RAB31: variants seen among roughly 807,000 people sequenced by gnomAD.
RAB31 encodes RAB31, member RAS oncogene family.
Under a neutral mutation model 25.6 loss-of-function variants are expected in RAB31, and 21 were observed. The observed-to-expected ratio is 0.82, with a 90% CI of 0.58 to 1.18. The LOEUF (loss-of-function observed/expected upper bound fraction) is 1.18, where lower values mean the gene tolerates loss of function less well. Among genes scored for constraint, RAB31 ranks in the 50% most tolerant of loss-of-function variants. The pLI is 0.00. For synonymous variants in RAB31, 87 were observed against 84.0 expected (o/e 1.04, Z -0.20); for missense variants, 196 against 250.1 (o/e 0.78, Z 1.46).
At chr18:9,723,038 G>A (rs2068080416) in intron 1 of RAB31, among the ~76,000 whole-genome samples, 1 of 152,138 alleles carries the variant, frequency 6.6e-6, no homozygotes. Flanking sequence ...AATGCAATAG[G>A]TTTTGTTCAT....
chr18:9,785,668 A>T (rs1424517407), intron 2 of RAB31, among the ~76,000 whole-genome samples: 2 of 152,194 alleles, frequency 1.3e-5, no homozygotes, highest in Non-Finnish European at 2.9e-5. Context: ...TAGAGGAAGG[A>T]TGCTACTCAG....
intron 1 of RAB31, among the ~76,000 whole-genome samples, chr18:9,752,558 A>G (rs1245479611): frequency 1.3e-5 from 2 of 152,214 alleles, no homozygotes; most frequent in Non-Finnish European, 2.9e-5. Flanking sequence ...AAACTGTGCA[A>G]CCTGGAGGTC....
chr18:9,844,510 C>T (rs2068750350), intron 5 of RAB31, among the ~76,000 whole-genome samples: 1 of 152,186 alleles, frequency 6.6e-6, no homozygotes, highest in Non-Finnish European at 1.5e-5. Context: ...TCCTGCCCCT[C>T]TGCTCCTGAA....
rs576990129 is a variant in RAB31 at position 9,861,868 on chromosome 18, A to G, written c.*2543A>G. On this transcript the variant is annotated 3_prime_UTR_variant, in exon 7 of 7. Coordinates refer to ENST00000578921, the MANE Select transcript of RAB31 (RefSeq NM_006868.4). The stretch of plus-strand genomic sequence containing the variant: ...GTTTGGCCCCTAGCCATGTGTTAAT[A>G]TAAAGTAGGCATGGCTTCCCAATGG... The G allele has an allele frequency of 1.3e-5, 2 of 152,720 alleles. No homozygotes were observed. The highest frequency in any genetic ancestry group is 1.9e-4 in the East Asian group (1 of 5,182). The allele number at this position is 152,720 out of a possible 1,614,324, so 9.5% of individuals were successfully genotyped here.
chr18:9,709,077 C>T (rs2068002429), intron 1 of RAB31, among the ~76,000 whole-genome samples: 1 of 152,212 alleles, frequency 6.6e-6, no homozygotes, highest in Non-Finnish European at 1.5e-5. Context: ...GCCCTGCAAA[C>T]TTCCCTGCTG....
intron 1 of RAB31, among the ~76,000 whole-genome samples, chr18:9,772,561 A>G (rs1243788332): frequency 6.6e-6 from 1 of 152,048 alleles, no homozygotes; most frequent in Non-Finnish European, 1.5e-5. Context: ...TGGGAAAGGG[A>G]GGGTTTGGGG....
intron 4 of RAB31, chr18:9,814,593 C>CT (rs975255386): frequency 1.3e-5 from 2 of 158,072 alleles, no homozygotes; most frequent in Non-Finnish European, 2.8e-5. Context: ...GAATTATTTA[C>CT]TTTTTTTTCT....
chr18:9,723,549 T>C (rs1183864489), intron 1 of RAB31: 1 of 152,208 alleles, frequency 6.6e-6, no homozygotes, highest in East Asian at 1.9e-4. Flanking sequence ...ATTTTGTGTT[T>C]TGTAACAGAA....
At position 9,758,520 on chromosome 18, in the gene RAB31, A is replaced by G. The variant is rs2068271380; in HGVS notation, c.40-16758A>G. On this transcript the variant is annotated intron_variant, in intron 1 of 6. Transcript: ENST00000578921. ...TGGGCTAGTGCATCCTTTTGGTTTC[A>G]GATTTAGTGCCCCTGCCTCCATGAA... Among the ~76,000 whole-genome samples, 9 of 151,922 alleles carry G rather than the reference A, an allele frequency of 5.9e-5. 1 individual carries two copies. The South Asian group carries it at 1.9e-3, about 32-fold the overall frequency.
At chr18:9,827,300 G>A (rs1055895680) in intron 5 of RAB31, among the ~76,000 whole-genome samples, 7 of 152,072 alleles carry the variant, frequency 4.6e-5, no homozygotes, top group Non-Finnish European at 7.4e-5. Context: ...AGGAAGTGCC[G>A]ATGGGAGAAG....
intron 1 of RAB31, among the ~76,000 whole-genome samples, chr18:9,731,271 C>T (rs914832449): frequency 6.6e-6 from 1 of 152,154 alleles, no homozygotes; most frequent in Non-Finnish European, 1.5e-5. Flanking sequence ...GGCAGTTTAA[C>T]CACTTGGCAT....
intron 1 of RAB31, among the ~76,000 whole-genome samples, chr18:9,759,660 GTA>G (rs1481954006): frequency 6.6e-6 from 1 of 152,094 alleles, no homozygotes; most frequent in Non-Finnish European, 1.5e-5. Context: ...GACCAACAAG[GTA>G]TATGCTTGCC....
chr18:9,849,704 C>G (rs2068779404), intron 6 of RAB31: 1 of 152,182 alleles, frequency 6.6e-6, no homozygotes, highest in Admixed American at 6.6e-5. Flanking sequence ...AGGAAGGCCT[C>G]CCCGGGGAAA....
intron 5 of RAB31, among the ~76,000 whole-genome samples, chr18:9,818,893 T>A (rs1306240361): frequency 6.6e-6 from 1 of 152,226 alleles, no homozygotes; most frequent in East Asian, 1.9e-4. Context: ...TGTTAATAAA[T>A]GTCTTTTCAT....
intron 2 of RAB31, among the ~76,000 whole-genome samples, chr18:9,784,379 G>A (rs1269986869): frequency 6.6e-6 from 1 of 151,904 alleles, no homozygotes; most frequent in Non-Finnish European, 1.5e-5. Flanking sequence ...TAGTTGTACA[G>A]GGACACAAAG....
At chr18:9,789,767 C>T (rs559406157) in intron 2 of RAB31, among the ~76,000 whole-genome samples, 1 of 152,122 alleles carries the variant, frequency 6.6e-6, no homozygotes, top group East Asian at 1.9e-4. Flanking sequence ...CCCCGGTAGT[C>T]TGGATATACA....
intron 5 of RAB31, among the ~76,000 whole-genome samples, chr18:9,838,845 A>C (rs2068717972): frequency 6.6e-6 from 1 of 152,116 alleles, no homozygotes; most frequent in Non-Finnish European, 1.5e-5. Flanking sequence ...CTCCCAGCCC[A>C]CTTGGAAGGC....
At chr18:9,730,288 CTTTT>C (rs34004989) in intron 1 of RAB31, among the ~76,000 whole-genome samples, 3 of 140,926 alleles carry the variant, frequency 2.1e-5, no homozygotes, top group Non-Finnish European at 3.1e-5. Context: ...CTCACCTTAT[CTTTT>C]TTTTTTTTTT....
rs1368309690 is a variant in RAB31 at position 9,766,868 on chromosome 18, G to A, written c.40-8410G>A. On this transcript the variant is annotated intron_variant, in intron 1 of 6. Coordinates refer to ENST00000578921, the MANE Select transcript of RAB31 (RefSeq NM_006868.4). The surrounding 1 kb of genome is among the most constrained non-coding windows in gnomAD (Gnocchi z 4.3). The stretch of plus-strand genomic sequence containing the variant: ...GCTACTTGGGAGGGTGAGACAGGAG[G>A]ATTTCTTGAGCCTGGAAGGAGTAGG... Among the ~76,000 whole-genome samples, 1 of 152,080 alleles carries A rather than the reference G, an allele frequency of 6.6e-6. No individual in the cohort carries two copies. Among genetic ancestry groups the A allele is most frequent in the Admixed American group, 6.6e-5 (1 of 15,256 alleles).
Sources: allele counts gnomAD v4.1 joint callset (sites outside exome capture counted in the v4.1 genomes callset), GRCh38; gene constraint gnomAD v4.1.1; non-coding constraint Gnocchi (gnomAD v3.1); transcripts MANE v1.5; gene names NCBI Gene and HGNC (gene_info 2026-07-23, HGNC 2026-07-21).